SMC4: variants seen among roughly 807,000 people sequenced by gnomAD.
The protein encoded by SMC4 is structural maintenance of chromosomes 4, also known as structural maintenance of chromosomes protein 4.
A neutral mutation model predicts 145.6 loss-of-function variants in SMC4; 87 were observed. The observed-to-expected ratio is 0.60, with a 90% confidence interval of 0.50 to 0.71. The LOEUF is 0.71. Among genes scored for constraint, SMC4 ranks in the 30% least tolerant of loss-of-function variants. The probability of loss-of-function intolerance (pLI) is 0.00; values close to 1 mark genes in which losing one functional copy is unlikely to be tolerated. For missense variants in SMC4, 1,447 were observed against 1,537.1 expected (o/e 0.94, Z 0.98); for synonymous variants, 558 against 500.7 (o/e 1.11, Z -1.53).
chr3:160,418,359 A>T (rs1716805322), intron 11 of SMC4, among the ~76,000 whole-genome samples: 1 of 152,150 alleles, frequency 6.6e-6, no homozygotes, highest in African/African-American at 2.4e-5. Flanking sequence ...CTTTGCTTGC[A>T]TTCCAAAATG....
chr3:160,415,906 A>G (rs1412444799), intron 9 of SMC4, among the ~76,000 whole-genome samples: 1 of 152,226 alleles, frequency 6.6e-6, no homozygotes, highest in Non-Finnish European at 1.5e-5. Context: ...ACCAGGAAGG[A>G]TAGTTTAGAA....
In SMC4 at chr3:160,432,384, T is replaced by G. The variant is rs1031159353; in HGVS notation, c.3399T>G (p.Asn1133Lys). The G allele has an allele frequency of 1.9e-6, 3 of 1,613,746 alleles. No homozygotes were observed. In the East Asian group the frequency reaches 6.7e-5, roughly 36 times the overall value. ...AYEDLRKQRL[N>K]EFMAGFYIIT... is the part of the protein sequence containing the mutation. ...AAGATCTTCGGAAACAAAGGCTTAA[T>G]GAATTTATGGCAGGTTTTTATATAA... The change falls in exon 22 of 24, where the codon AAT (asparagine) becomes AAG (lysine). Residue 1133 changes from asparagine (N) to lysine (K), a missense_variant. Physicochemically the swap from Asn to Lys is moderately conservative, Grantham distance 94. Transcript: ENST00000357388.
At position 160,434,503 on chromosome 3, in the gene SMC4, G is replaced by C. The variant is rs1313881486; in HGVS notation, c.*694G>C. 1 of 152,098 alleles carries C rather than the reference G, an allele frequency of 6.6e-6. No individual in the cohort carries two copies. The highest frequency in any genetic ancestry group is 1.5e-5 in the Non-Finnish European group (1 of 68,032). The allele number at this position is 152,098 out of a possible 1,614,324, so 9.4% of individuals were successfully genotyped here. A position where few individuals can be genotyped will look rare whatever the true frequency, so the allele number is the denominator to read the frequency against. On this transcript the variant is annotated 3_prime_UTR_variant, in exon 24 of 24. Transcript: ENST00000357388. ...TTTACAAATTTTCAACTTTATGATA[G>C]GTTTATCCGGGTACTAAATGCATTT...
intron 16 of SMC4, 49 bp from the exon 17 acceptor site, chr3:160,426,025 T>G: frequency 6.9e-7 from 1 of 1,446,626 alleles, no homozygotes; most frequent in Non-Finnish European, 9.4e-7. Context: ...TCACAATGTT[T>G]AAAGCAAATG....
intron 17 of SMC4, among the ~76,000 whole-genome samples, chr3:160,427,168 C>T (rs759204892): frequency 2.6e-5 from 4 of 152,158 alleles, no homozygotes; most frequent in Non-Finnish European, 4.4e-5. Context: ...CTGCTACTGG[C>T]CAGGCTTTGT....
rs200532011 is a variant in SMC4, at chr3:160,419,493, A to G, written c.1807A>G (p.Ile603Val). The G allele has an allele frequency of 3.4e-5, 54 of 1,605,120 alleles. No homozygotes were observed. In the African/African-American group the frequency reaches 4.4e-4, roughly 13 times the overall value. The change falls in exon 12 of 24, where the codon ATA becomes GTA. Residue 603 changes from isoleucine to valine, a missense_variant. Transcript: ENST00000357388. ...AAGTAGGGGGAAAGTCCTTGATGCAATAATTCAAGAAAAAAAATCTGGCAG... is the reference window on the plus strand; with the variant it reads ...AAGTAGGGGGAAAGTCCTTGATGCAGTAATTCAAGAAAAAAAATCTGGCAG... ...NRSRGKVLDA[I>V]IQEKKSGRIP...
intron 17 of SMC4, among the ~76,000 whole-genome samples, chr3:160,428,219 A>T (rs1718007313): frequency 6.6e-6 from 1 of 152,210 alleles, no homozygotes; most frequent in South Asian, 2.1e-4. Context: ...GATTGAATTG[A>T]CCTAAATTAT....
chr3:160,413,731 G>C, intron 8 of SMC4, 118 bp downstream of exon 8: 2 of 614,366 alleles, frequency 3.3e-6, no homozygotes, highest in Non-Finnish European at 5.2e-6. Flanking sequence ...ATATCAAGTG[G>C]TGGCCCCCTT....
chr3:160,424,741 C>T (rs1219235449), intron 15 of SMC4, 126 bp from the exon 16 acceptor site: 8 of 946,398 alleles, frequency 8.5e-6, no homozygotes, highest in Admixed American at 7.4e-5. Context: ...ACCCGGGAGG[C>T]GGAGGTTGCA....
At chr3:160,433,539 A>G (rs1718652274) in intron 23 of SMC4, 118 bp from the exon 24 acceptor site, 1 of 633,058 alleles carries the variant, frequency 1.6e-6, no homozygotes, top group South Asian at 2.4e-5. Context: ...TATTCCTGCC[A>G]TCATTCCTTT....
chr3:160,430,963 C>CA, intron 19 of SMC4, 69 bp from the exon 20 acceptor site: 1 of 1,456,930 alleles, frequency 6.9e-7, no homozygotes, highest in Non-Finnish European at 9.3e-7. Flanking sequence ...GTAATTCCTT[C>CA]ATCTCTGTAA....
chr3:160,428,668 C>A, intron 17 of SMC4, 85 bp from the exon 18 acceptor site: 1 of 1,289,174 alleles, frequency 7.8e-7, no homozygotes, highest in Non-Finnish European at 1.1e-6. Context: ...CACGTCAAGT[C>A]ATAGCAACTG....
At chr3:160,416,562 G>T (rs907106739) in intron 10 of SMC4, 147 bp downstream of exon 10, 3 of 458,630 alleles carry the variant, frequency 6.5e-6, no homozygotes, top group Non-Finnish European at 1.1e-5. Flanking sequence ...CCTAGACTTA[G>T]ATGACTATTC....
chr3:160,414,055 A>T, intron 8 of SMC4: 1 of 416,298 alleles, frequency 2.4e-6, no homozygotes, highest in Non-Finnish European at 4.5e-6. Context: ...AGTAACTTGT[A>T]AGTATATTCG....
At chr3:160,404,593 G>T (rs773954608) in intron 5 of SMC4, 89 bp downstream of exon 5, 24 of 1,181,804 alleles carry the variant, frequency 2.0e-5, no homozygotes, top group Non-Finnish European at 2.9e-5. Context: ...CATTTTTGAG[G>T]CCTTAAAGTA....
rs569305517 is a variant in SMC4, at chr3:160,428,602, T to C, written c.2606-151T>C. 14 of 624,038 alleles carry C rather than the reference T, an allele frequency of 2.2e-5. No individual in the cohort carries two copies. In the South Asian group the frequency reaches 2.9e-4, roughly 13 times the overall value. The allele number at this position is 624,038 out of a possible 1,614,324, so 38.7% of individuals were successfully genotyped here. On this transcript the variant is annotated intron_variant, in intron 17 of 23. Transcript: ENST00000357388. Reference sequence around the variant, plus strand: ...ACACCATTTGTTTTGATACAGGATATCGTTTTTTTTTTTAAGGTGCTTTTT... The same window carrying C: ...ACACCATTTGTTTTGATACAGGATACCGTTTTTTTTTTTAAGGTGCTTTTT...
Position 160,430,581 on chromosome 3 carries a change from A to G in SMC4, c.2796-18A>G. The G allele has an allele frequency of 6.5e-7, 1 of 1,536,296 alleles. No homozygotes were observed. The highest frequency in any genetic ancestry group is 8.7e-7 in the Non-Finnish European group (1 of 1,143,140). On this transcript the variant is annotated intron_variant, in intron 18 of 23. Transcript: ENST00000357388. ...AATCACCTTACCACATTTTTGATGCATCATTTTGCTTCTTTAGAAACCTTC... is the reference window on the plus strand; with the variant it reads ...AATCACCTTACCACATTTTTGATGCGTCATTTTGCTTCTTTAGAAACCTTC...
intron 17 of SMC4, among the ~76,000 whole-genome samples, chr3:160,426,888 C>T (rs1461711404): frequency 6.6e-6 from 1 of 152,174 alleles, no homozygotes; most frequent in Admixed American, 6.5e-5. Context: ...CCAGCAAACA[C>T]AGCAAGGTTC....
intron 10 of SMC4, 174 bp downstream of exon 10, chr3:160,416,589 C>A (rs528139953): frequency 3.9e-5 from 15 of 384,442 alleles, no homozygotes; most frequent in Non-Finnish European, 7.0e-5. Flanking sequence ...TTCCTGCTGA[C>A]ATGTTTTTTA....
Sources: allele counts gnomAD v4.1 joint callset (sites outside exome capture counted in the v4.1 genomes callset), GRCh38; gene constraint gnomAD v4.1.1; transcripts MANE v1.5; gene names NCBI Gene and HGNC (gene_info 2026-07-23, HGNC 2026-07-21).